The following HLCS variants were observed in gnomAD, a reference collection of about 807,000 sequenced individuals.
HLCS encodes the protein holocarboxylase synthetase, also known as biotin--protein ligase.
In HLCS, 53 loss-of-function variants were observed where a neutral mutation model predicts 75.0. The observed-to-expected ratio is 0.71, with a 90% confidence interval of 0.57 to 0.89. The LOEUF is 0.89. Ranked by LOEUF, HLCS falls within the 40% of genes least tolerant of loss-of-function variation. The pLI, the probability that HLCS is intolerant of heterozygous loss-of-function variation, is 0.00. For synonymous variants in HLCS, 431 were observed against 428.6 expected, an observed-to-expected ratio of 1.01 and a Z score of -0.07; for missense variants, 966 against 1,074.0, an observed-to-expected ratio of 0.90 and a Z score of 1.41.
At chr21:36,848,927 C>T (rs909174772) in intron 6 of HLCS, among the ~76,000 whole-genome samples, 2 of 152,098 alleles carry the variant, frequency 1.3e-5, no homozygotes, top group Admixed American at 6.5e-5. Flanking sequence ...ATTTGGCAGA[C>T]ACCGGCTCAA....
Position 36,749,713 on chromosome 21 carries a change from A to G in HLCS, c.*4533T>C, listed in dbSNP as rs2089310836. 1 of 152,208 alleles carries G rather than the reference A, an allele frequency of 6.6e-6. No homozygotes were observed. Among genetic ancestry groups the G allele is most frequent in the Non-Finnish European group, 1.5e-5 (1 of 68,040 alleles). 9.4% of individuals were successfully genotyped at this position (152,208 alleles called of 1,614,324 possible). On this transcript the variant is annotated 3_prime_UTR_variant, in exon 11 of 11. Coordinates refer to ENST00000674895, the MANE Select transcript of HLCS (RefSeq NM_001352514.2). ...TTTTTTTATGTTCATGAGTCTTGTA[A>G]TTAAACCGTGATTCTTGAAAGGTGT...
At chr21:36,783,918 T>C (rs1199485409) in intron 6 of HLCS, among the ~76,000 whole-genome samples, 1 of 152,164 alleles carries the variant, frequency 6.6e-6, no homozygotes, top group Non-Finnish European at 1.5e-5. Context: ...CCAGCCAACA[T>C]GGCACCATCT....
intron 7 of HLCS, among the ~76,000 whole-genome samples, chr21:36,765,809 G>A (rs1368899863): frequency 6.6e-6 from 1 of 152,112 alleles, no homozygotes; most frequent in Non-Finnish European, 1.5e-5. Context: ...ACCATTCCCA[G>A]GTAAGTTTTG....
chr21:36,795,339 G>A (rs534284315), intron 6 of HLCS, among the ~76,000 whole-genome samples: 1 of 152,332 alleles, frequency 6.6e-6, no homozygotes, highest in East Asian at 1.9e-4. Flanking sequence ...CAGAGGGCAG[G>A]AGGGATCCGG....
chr21:36,835,893 C>T (rs2062393346), intron 6 of HLCS, among the ~76,000 whole-genome samples: 1 of 151,900 alleles, frequency 6.6e-6, no homozygotes, highest in Admixed American at 6.6e-5. Flanking sequence ...TTCTTAATAC[C>T]CACAAAGACC....
In HLCS at chr21:36,764,897, A is replaced by G. The variant is rs551848593; in HGVS notation, c.2121+115T>C. Reference sequence around the variant, plus strand: ...GAGAGCACTTTGCTGCCAGCTGTGCAAAGGGTAGGCTGAGGTTCTACAGCC... The same window carrying G: ...GAGAGCACTTTGCTGCCAGCTGTGCGAAGGGTAGGCTGAGGTTCTACAGCC... On this transcript the variant is annotated intron_variant, in intron 8 of 10. Transcript: ENST00000674895. 7 of 1,165,874 alleles carry G rather than the reference A, an allele frequency of 6.0e-6. No homozygotes were observed. In the African/African-American group the frequency reaches 9.0e-5, roughly 15 times the overall value. The allele number at this position is 1,165,874 out of a possible 1,614,324, so 72.2% of individuals were successfully genotyped here. A position where few individuals can be genotyped will look rare whatever the true frequency, so the allele number is the denominator to read the frequency against.
At chr21:36,935,577 C>G (rs906363984) in intron 4 of HLCS, among the ~76,000 whole-genome samples, 2 of 152,180 alleles carry the variant, frequency 1.3e-5, no homozygotes, top group African/African-American at 4.8e-5. Flanking sequence ...CTTGGGAACT[C>G]TTCTGGACAA....
chr21:36,921,346 G>A (rs562796000), intron 5 of HLCS, among the ~76,000 whole-genome samples: 5 of 152,334 alleles, frequency 3.3e-5, no homozygotes, highest in South Asian at 4.1e-4. Context: ...TCAGGAGGCT[G>A]AGGCAGGAGA....
intron 1 of HLCS, among the ~76,000 whole-genome samples, chr21:36,964,616 G>A (rs2068470714): frequency 1.3e-5 from 2 of 152,196 alleles, no homozygotes; most frequent in South Asian, 4.1e-4. Flanking sequence ...TGTAGGCAAA[G>A]CTTACTGTGC....
intron 6 of HLCS, among the ~76,000 whole-genome samples, chr21:36,841,880 A>G (rs2062628211): frequency 6.6e-6 from 1 of 152,156 alleles, no homozygotes; most frequent in Non-Finnish European, 1.5e-5. Flanking sequence ...TGAAAGTCTA[A>G]TGACCCTCAG....
intron 5 of HLCS, among the ~76,000 whole-genome samples, chr21:36,913,780 A>T (rs1335321105): frequency 6.6e-6 from 1 of 152,166 alleles, no homozygotes; most frequent in Non-Finnish European, 1.5e-5. Flanking sequence ...AGAAACTTGA[A>T]TGTGAACCTT....
intron 6 of HLCS, among the ~76,000 whole-genome samples, chr21:36,884,358 T>C (rs1203801172): frequency 6.6e-6 from 1 of 152,258 alleles, no homozygotes; most frequent in African/African-American, 2.4e-5. Flanking sequence ...GTCATGGAAT[T>C]TGCCCCAGGC....
intron 2 of HLCS, among the ~76,000 whole-genome samples, chr21:36,958,625 C>T (rs1299236814): frequency 6.6e-6 from 1 of 151,910 alleles, no homozygotes. Flanking sequence ...CCGGTCTCTG[C>T]TAAAATACAA....
At position 36,867,268 on chromosome 21, in the gene HLCS, G is replaced by T. The variant is rs573522031; in HGVS notation, c.1892+29592C>A. Among the ~76,000 whole-genome samples the T allele has an allele frequency of 2.6e-5, 4 of 152,314 alleles. No individual in the cohort carries two copies. In the South Asian group the frequency reaches 8.3e-4, roughly 32 times the overall value. On this transcript the variant is annotated intron_variant, in intron 6 of 10. Transcript: ENST00000674895. Reference sequence around the variant, plus strand: ...CTATCCATTAGGAAGGAAACAGCTAGCAGCTAAACAAAGCGTAGCATGCTC... The same window carrying T: ...CTATCCATTAGGAAGGAAACAGCTATCAGCTAAACAAAGCGTAGCATGCTC...
chr21:36,972,509 T>C (rs2068818722), intron 1 of HLCS, among the ~76,000 whole-genome samples: 1 of 152,124 alleles, frequency 6.6e-6, no homozygotes, highest in East Asian at 1.9e-4. Flanking sequence ...CACTGTCTCC[T>C]TAAAGACTGA....
At chr21:36,854,306 A>T (rs2063112683) in intron 6 of HLCS, among the ~76,000 whole-genome samples, 1 of 152,234 alleles carries the variant, frequency 6.6e-6, no homozygotes, top group East Asian at 1.9e-4. Context: ...AATCACTGCT[A>T]TAATGGCACC....
At chr21:36,771,173 T>C (rs2060194235) in intron 6 of HLCS, among the ~76,000 whole-genome samples, 1 of 151,878 alleles carries the variant, frequency 6.6e-6, no homozygotes, top group Non-Finnish European at 1.5e-5. Flanking sequence ...TGAGCCAAGG[T>C]TGCACCACTG....
chr21:36,755,390 C>T (rs1312995088), intron 10 of HLCS, among the ~76,000 whole-genome samples: 1 of 150,076 alleles, frequency 6.7e-6, no homozygotes, highest in Non-Finnish European at 1.5e-5. Context: ...AGAGCAAGAC[C>T]CTCTCTAAAA....
rs1297508882 is a variant in HLCS, at chr21:36,759,741, A to C, written c.2222T>G (p.Phe741Cys). 1.3e-6 allele frequency: 2 copies of C among 1,593,294 alleles called. No individual in the cohort carries two copies. The highest frequency in any genetic ancestry group is 2.2e-5 in the South Asian group (2 of 90,694). ...LVNSTLMGET[F>C]YILIGCGFNV... Reference sequence around the variant, plus strand: ...TTGAAACTTACCAATAAGTATATAAAATGTTTCTCCCATGAGTGTTGAGTT... The same window carrying C: ...TTGAAACTTACCAATAAGTATATAACATGTTTCTCCCATGAGTGTTGAGTT... Residue 741 changes from phenylalanine to cysteine, a missense_variant, in exon 9 of 11, where the codon TTT (phenylalanine) becomes TGT (cysteine). Coordinates refer to ENST00000674895, the MANE Select transcript of HLCS (RefSeq NM_001352514.2).
Sources: gnomAD v4.1 joint callset for allele counts (sites outside exome capture counted in the v4.1 genomes callset) on GRCh38, gnomAD v4.1.1 for gene constraint, MANE v1.5 for transcripts, NCBI Gene and HGNC (gene_info 2026-07-23, HGNC 2026-07-21) for gene names.